TRAPPC9: variants seen among roughly 807,000 people sequenced by gnomAD.
The protein encoded by TRAPPC9 is IKK2 binding protein.
TRAPPC9 carries 83 observed loss-of-function variants against 124.0 expected under a neutral mutation model. The ratio of observed to expected loss-of-function variants is 0.67; its 90% confidence interval spans 0.56 to 0.80. TRAPPC9 has a LOEUF of 0.80. Among genes scored for constraint, TRAPPC9 ranks in the 30% least tolerant of loss-of-function variants. The pLI is 0.00. For synonymous variants in TRAPPC9, 638 were observed against 617.5 expected (o/e 1.03, Z -0.49); for missense variants, 1,302 against 1,508.3 (o/e 0.86, Z 2.27).
At chr8:139,869,704 G>A (rs1208091931) in intron 21 of TRAPPC9, among the ~76,000 whole-genome samples, 2 of 152,156 alleles carry the variant, frequency 1.3e-5, no homozygotes, top group Non-Finnish European at 2.9e-5. Context: ...ATTGTAAGTG[G>A]TAAAAATAGT....
chr8:140,318,637 T>G (rs544558268), intron 9 of TRAPPC9, among the ~76,000 whole-genome samples: 1 of 152,380 alleles, frequency 6.6e-6, no homozygotes, highest in Admixed American at 6.5e-5. Flanking sequence ...TTTGTCTTTC[T>G]GTGTTTGGCT....
intron 17 of TRAPPC9, among the ~76,000 whole-genome samples, chr8:140,050,565 T>C (rs1187517720): frequency 6.6e-6 from 1 of 150,602 alleles, no homozygotes; most frequent in Non-Finnish European, 1.5e-5. Context: ...TGCACCAGCC[T>C]CCATGACTCT....
At chr8:139,894,348 G>A (rs1014231073) in intron 20 of TRAPPC9, among the ~76,000 whole-genome samples, 35 of 152,138 alleles carry the variant, frequency 2.3e-4, no homozygotes, top group Non-Finnish European at 1.0e-4. Flanking sequence ...ACTGGTCACC[G>A]CGCACGACTG....
Position 140,194,180 on chromosome 8 carries a change from T to C in TRAPPC9, c.2556+27279A>G, listed in dbSNP as rs540591491. Reference sequence around the variant, plus strand: ...TTAGTATGGCAAAGGCCCCTGTCTATCTTTTCCGCCTCTACATTCACTGTC... The same window carrying C: ...TTAGTATGGCAAAGGCCCCTGTCTACCTTTTCCGCCTCTACATTCACTGTC... On this transcript the variant is annotated intron_variant, in intron 17 of 22. Coordinates refer to ENST00000438773, the MANE Select transcript of TRAPPC9 (RefSeq NM_001160372.4). Among the ~76,000 whole-genome samples the C allele has an allele frequency of 1.3e-4, 20 of 152,246 alleles. 1 individual carries two copies. The East Asian group carries it at 3.9e-3, about 29-fold the overall frequency.
chr8:140,126,796 G>A (rs2061106435), intron 17 of TRAPPC9, among the ~76,000 whole-genome samples: 1 of 152,234 alleles, frequency 6.6e-6, no homozygotes, highest in African/African-American at 2.4e-5. Context: ...CCTGCAGGGT[G>A]GGCCTAGCGT....
At chr8:140,231,298 A>T (rs932095485) in intron 16 of TRAPPC9, among the ~76,000 whole-genome samples, 11 of 152,148 alleles carry the variant, frequency 7.2e-5, no homozygotes, top group African/African-American at 2.4e-4. Flanking sequence ...GGCAGCCAAG[A>T]ACTGTATGCC....
intron 7 of TRAPPC9, among the ~76,000 whole-genome samples, chr8:140,397,063 T>C (rs895040102): frequency 1.3e-5 from 2 of 152,230 alleles, no homozygotes; most frequent in Non-Finnish European, 2.9e-5. Flanking sequence ...TCCCTATCTA[T>C]AAAGATCCAA....
At chr8:139,869,396 T>A (rs1828753647) in intron 21 of TRAPPC9, among the ~76,000 whole-genome samples, 1 of 152,208 alleles carries the variant, frequency 6.6e-6, no homozygotes, top group Non-Finnish European at 1.5e-5. Flanking sequence ...GTTATGAGCA[T>A]CTGTGTGCCA....
intron 21 of TRAPPC9, among the ~76,000 whole-genome samples, chr8:139,821,717 C>T (rs377179998): frequency 1.3e-5 from 2 of 152,182 alleles, no homozygotes; most frequent in East Asian, 1.9e-4. Flanking sequence ...AGTGCTTTCT[C>T]GACTACAAAC....
chr8:140,346,233 C>G (rs1281380665), intron 9 of TRAPPC9, among the ~76,000 whole-genome samples: 2 of 152,166 alleles, frequency 1.3e-5, no homozygotes, highest in African/African-American at 4.8e-5. Context: ...AGCAGCCAAC[C>G]TCGGCTTCTC....
At chr8:140,107,339 GCTTA>G (rs2060685800) in intron 17 of TRAPPC9, among the ~76,000 whole-genome samples, 1 of 152,092 alleles carries the variant, frequency 6.6e-6, no homozygotes, top group African/African-American at 2.4e-5. Context: ...TTGTTTATTC[GCTTA>G]CTAAGTATTC....
At chr8:140,306,122 T>C (rs919991034) in intron 10 of TRAPPC9, among the ~76,000 whole-genome samples, 2 of 152,186 alleles carry the variant, frequency 1.3e-5, no homozygotes, top group Admixed American at 6.5e-5. Flanking sequence ...ATACAGTCTT[T>C]TCTAGAAGTA....
chr8:140,255,493 T>C (rs1245319107), intron 15 of TRAPPC9, among the ~76,000 whole-genome samples: 1 of 152,218 alleles, frequency 6.6e-6, no homozygotes, highest in African/African-American at 2.4e-5. Context: ...AAAAGACAGA[T>C]GGCTGGGAAA....
At chr8:140,094,886 T>C (rs546709079) in intron 17 of TRAPPC9, 1 of 152,226 alleles carries the variant, frequency 6.6e-6, no homozygotes, top group Non-Finnish European at 1.5e-5. Flanking sequence ...GCACAGCACA[T>C]GAGGATGTAT....
intron 21 of TRAPPC9, among the ~76,000 whole-genome samples, chr8:139,796,184 G>A (rs1823081745): frequency 6.6e-6 from 1 of 152,044 alleles, no homozygotes; most frequent in South Asian, 2.1e-4. Flanking sequence ...AGAAGGATGA[G>A]GAGGAGGAGG....
chr8:140,414,647 G>A (rs978425484), intron 5 of TRAPPC9, among the ~76,000 whole-genome samples: 17 of 152,172 alleles, frequency 1.1e-4, no homozygotes, highest in Admixed American at 1.0e-3. Flanking sequence ...ACAACAGAAT[G>A]AAATTTGGGG....
At chr8:140,446,543 T>C (rs2071266012) in intron 2 of TRAPPC9, among the ~76,000 whole-genome samples, 1 of 152,130 alleles carries the variant, frequency 6.6e-6, no homozygotes, top group Non-Finnish European at 1.5e-5. Context: ...CGCAAAAGAC[T>C]GGTGTGGGTT....
intron 6 of TRAPPC9, 76 bp from the exon 7 acceptor site, chr8:140,397,821 T>C: frequency 1.9e-6 from 3 of 1,585,696 alleles, no homozygotes; most frequent in South Asian, 1.1e-5. Flanking sequence ...GCTGTGCTAC[T>C]GGGACTCAAT....
chr8:140,244,614 A>C (rs986418109), intron 16 of TRAPPC9, among the ~76,000 whole-genome samples: 1 of 152,140 alleles, frequency 6.6e-6, no homozygotes, highest in Non-Finnish European at 1.5e-5. Flanking sequence ...TAATTTATCA[A>C]TCTTCCCGAC....
Sources: allele counts gnomAD v4.1 joint callset (sites outside exome capture counted in the v4.1 genomes callset), GRCh38; gene constraint gnomAD v4.1.1; transcripts MANE v1.5; gene names NCBI Gene and HGNC (gene_info 2026-07-23, HGNC 2026-07-21).